Variants in SYT9 observed in about 807,000 individuals in gnomAD.
SYT9 encodes synaptotagmin-9.
Under a neutral mutation model 48.4 loss-of-function variants are expected in SYT9, and 22 were observed. That is an observed-to-expected ratio of 0.45 (90% CI 0.32 to 0.65). The LOEUF (loss-of-function observed/expected upper bound fraction) is 0.65. SYT9 is among the 30% of genes least tolerant of loss of function. The pLI is 0.03. For missense variants in SYT9, 577 were observed against 622.0 expected (o/e 0.93, Z 0.77); for synonymous variants, 265 against 245.0 (o/e 1.08, Z -0.76).
At chr11:7,415,012 A>C (rs1365410154) in intron 3 of SYT9, among the ~76,000 whole-genome samples, 1 of 152,152 alleles carries the variant, frequency 6.6e-6, no homozygotes, top group Non-Finnish European at 1.5e-5. Context: ...TTCTGGTTAT[A>C]CTGTCCCTGA....
chr11:7,250,742 T>C (rs1847853262), upstream of SYT9, among the ~76,000 whole-genome samples: 1 of 152,082 alleles, frequency 6.6e-6, no homozygotes, highest in Admixed American at 6.5e-5. Flanking sequence ...TTCTATAGGA[T>C]CCCAAATTAT....
At chr11:7,240,595 C>A (rs1451506988) in intron 1 of SYT9, among the ~76,000 whole-genome samples, 1 of 152,182 alleles carries the variant, frequency 6.6e-6, no homozygotes, top group Non-Finnish European at 1.5e-5. Flanking sequence ...CCGTCTCTTA[C>A]TATTTGATTC....
At chr11:7,329,988 A>G (rs535294142) in intron 3 of SYT9, among the ~76,000 whole-genome samples, 29 of 152,262 alleles carry the variant, frequency 1.9e-4, no homozygotes, top group Admixed American at 1.8e-3. Flanking sequence ...TCTCTATAAA[A>G]ATCTATCCTT....
intron 1 of SYT9, among the ~76,000 whole-genome samples, chr11:7,282,105 G>C (rs1357930537): frequency 6.6e-6 from 1 of 152,220 alleles, no homozygotes; most frequent in Non-Finnish European, 1.5e-5. Context: ...TCAGCCATAA[G>C]AGATTTTCTG....
chr11:7,337,944 TC>T (rs1280611911), intron 3 of SYT9, among the ~76,000 whole-genome samples: 1 of 152,230 alleles, frequency 6.6e-6, no homozygotes, highest in Non-Finnish European at 1.5e-5. Flanking sequence ...TTGCACCAGC[TC>T]TTCTTTGTAC....
intron 3 of SYT9, among the ~76,000 whole-genome samples, chr11:7,381,381 CA>C (rs2134045967): frequency 6.6e-6 from 1 of 152,248 alleles, no homozygotes; most frequent in Non-Finnish European, 1.5e-5. Flanking sequence ...ATGAGATGAG[CA>C]CTGAGCTTAC....
chr11:7,351,687 T>C (rs972712895), intron 3 of SYT9, among the ~76,000 whole-genome samples: 1 of 152,234 alleles, frequency 6.6e-6, no homozygotes, highest in Admixed American at 6.5e-5. Context: ...TAAGCCATGT[T>C]TTGTCAACAT....
intron 2 of SYT9, among the ~76,000 whole-genome samples, chr11:7,308,871 G>A (rs1053441767): frequency 4.6e-5 from 7 of 152,192 alleles, no homozygotes; most frequent in African/African-American, 9.6e-5. Context: ...TTGGCTTTTC[G>A]GGTGATAGTT....
At chr11:7,308,618 GT>G (rs2133945354) in intron 2 of SYT9, among the ~76,000 whole-genome samples, 1 of 152,322 alleles carries the variant, frequency 6.6e-6, no homozygotes, top group South Asian at 2.1e-4. Context: ...ATGAGGCCAA[GT>G]TAAGTAGGCA....
At chr11:7,356,104 A>G (rs1409068444) in intron 3 of SYT9, among the ~76,000 whole-genome samples, 1 of 152,162 alleles carries the variant, frequency 6.6e-6, no homozygotes, top group Non-Finnish European at 1.5e-5. Context: ...CAGGTCTAGG[A>G]TGATACAACT....
At position 7,302,146 on chromosome 11, in the gene SYT9, A is replaced by C. The variant is rs140332004; in HGVS notation, c.146-893A>C. ...TGTTCATCTGGGCTGCAGGTTTCAAATGATGGGAATTTAATGCCCTTTGAG... is the reference window on the plus strand; with the variant it reads ...TGTTCATCTGGGCTGCAGGTTTCAACTGATGGGAATTTAATGCCCTTTGAG... On this transcript the variant is annotated intron_variant, in intron 1 of 6. Coordinates refer to ENST00000318881, the MANE Select transcript of SYT9 (RefSeq NM_175733.4). Among the ~76,000 whole-genome samples, 242 of 152,282 alleles carry C rather than the reference A, an allele frequency of 1.6e-3. 1 individual carries two copies. The highest frequency in any genetic ancestry group is 5.5e-3 in the African/African-American group (227 of 41,554).
At chr11:7,298,068 T>C (rs945976195) in intron 1 of SYT9, among the ~76,000 whole-genome samples, 1 of 152,178 alleles carries the variant, frequency 6.6e-6, no homozygotes, top group African/African-American at 2.4e-5. Context: ...TAGGGGACTT[T>C]GTTTTTTTCT....
At chr11:7,458,798 C>G (rs773715539) in intron 6 of SYT9, among the ~76,000 whole-genome samples, 1 of 152,136 alleles carries the variant, frequency 6.6e-6, no homozygotes, top group African/African-American at 2.4e-5. Flanking sequence ...AAGGTAACAG[C>G]GGGCAGAGCT....
At chr11:7,425,738 A>G (rs10839781) in intron 6 of SYT9, among the ~76,000 whole-genome samples, 57,882 of 151,946 alleles carry the variant, frequency 0.38, 15,055 homozygotes, top group African/African-American at 0.73. Context: ...TATGGGCTAG[A>G]TAAATGAACA....
intron 3 of SYT9, among the ~76,000 whole-genome samples, chr11:7,414,815 T>TA: frequency 6.6e-6 from 1 of 152,236 alleles, no homozygotes; most frequent in African/African-American, 2.4e-5. Flanking sequence ...TCTGTGCTTC[T>TA]AAAAATAGAA....
intron 3 of SYT9, among the ~76,000 whole-genome samples, chr11:7,328,845 A>C (rs1361428347): frequency 6.6e-6 from 1 of 152,182 alleles, no homozygotes. Flanking sequence ...ATAACTGAAA[A>C]AAACATAGGT....
chr11:7,288,184 G>T (rs1848631426), intron 1 of SYT9, among the ~76,000 whole-genome samples: 1 of 152,014 alleles, frequency 6.6e-6, no homozygotes, highest in Admixed American at 6.5e-5. Context: ...CTCTTGAGGT[G>T]GAGGGGCAGT....
intron 3 of SYT9, among the ~76,000 whole-genome samples, chr11:7,315,326 A>T (rs1250627297): frequency 1.3e-5 from 2 of 152,220 alleles, no homozygotes; most frequent in Admixed American, 6.5e-5. Context: ...AGGAAGCAAC[A>T]TGAGAAGGTT....
At position 7,426,048 on chromosome 11, in the gene SYT9, T is replaced by G. The variant is rs192212923; in HGVS notation, c.1467+5413T>G. Among the ~76,000 whole-genome samples the G allele has an allele frequency of 6.4e-3, 977 of 152,246 alleles. 13 individuals are homozygous for G. The highest frequency in any genetic ancestry group is 0.012 in the Admixed American group (179 of 15,302). On this transcript the variant is annotated intron_variant, in intron 6 of 6. Transcript: ENST00000318881. ...AGAAACAGGAAGAGGTAAATGAACT[T>G]TATCTTGCTAATTAGTAGTTCTCGG...
Sources: gnomAD v4.1 joint callset for allele counts (sites outside exome capture counted in the v4.1 genomes callset) on GRCh38, gnomAD v4.1.1 for gene constraint, MANE v1.5 for transcripts, NCBI Gene and HGNC (gene_info 2026-07-23, HGNC 2026-07-21) for gene names.